POSTN: variants seen among roughly 807,000 people sequenced by gnomAD.
The protein encoded by POSTN is periostin.
POSTN carries 71 observed loss-of-function variants against 104.5 expected under a neutral mutation model. The ratio of observed to expected loss-of-function variants is 0.68; its 90% CI spans 0.56 to 0.83. POSTN has a LOEUF of 0.83. POSTN is among the 40% of genes least tolerant of loss of function. The pLI, the probability that POSTN is intolerant of heterozygous loss-of-function variation, is 0.00. For missense variants in POSTN, 949 were observed against 1,006.8 expected (o/e 0.94, Z 0.78); for synonymous variants, 355 against 340.7 (o/e 1.04, Z -0.46).
chr13:37,571,488 C>T (rs753505357), intron 17 of POSTN, 30 bp from the exon 18 acceptor site: 2 of 1,469,364 alleles, frequency 1.4e-6, no homozygotes, highest in South Asian at 2.3e-5. Context: ...GACAAATTAT[C>T]ATGTTAAAAC....
chr13:37,570,776 T>C (rs1349926517), intron 18 of POSTN, 107 bp from the exon 19 acceptor site: 5 of 723,396 alleles, frequency 6.9e-6, no homozygotes, highest in African/African-American at 1.8e-5. Context: ...AATATTACCA[T>C]TTAAGATTCA....
At chr13:37,564,807 G>A in intron 21 of POSTN, 1 of 323,054 alleles carries the variant, frequency 3.1e-6, no homozygotes, top group Non-Finnish European at 5.6e-6. Flanking sequence ...GTTTCATTAT[G>A]GATTTTGGAA....
intron 16 of POSTN, among the ~76,000 whole-genome samples, chr13:37,575,113 A>G (rs982932102): frequency 1.3e-5 from 2 of 152,046 alleles, no homozygotes; most frequent in African/African-American, 4.8e-5. Context: ...CATGCATCTG[A>G]TAACAGTGAC....
intron 1 of POSTN, 39 bp from the exon 2 acceptor site, chr13:37,597,321 AT>A: frequency 7.4e-7 from 1 of 1,345,254 alleles, no homozygotes; most frequent in Non-Finnish European, 1.0e-6. Flanking sequence ...TAATGTCCTA[AT>A]AATGACTAGT....
intron 2 of POSTN, among the ~76,000 whole-genome samples, chr13:37,595,936 A>G (rs1459196276): frequency 1.3e-5 from 2 of 150,616 alleles, no homozygotes; most frequent in African/African-American, 4.9e-5. Context: ...TCAGCCTCCC[A>G]AATAGGTGCC....
Position 37,580,451 on chromosome 13 carries a change from A to G in POSTN, c.1529+110T>C, listed in dbSNP as rs536682880. ...CACTTGTATGAACATTTTATTCTAA[A>G]TTCCATTTTCAACCACATAGGAGAC... is the stretch of plus-strand genomic sequence containing the variant. On this transcript the variant is annotated intron_variant, in intron 11 of 22. Transcript: ENST00000379747. 4.1e-6 allele frequency: 5 copies of G among 1,213,220 alleles called. No individual in the cohort carries two copies. The East Asian group carries it at 7.1e-5, about 17-fold the overall frequency. The allele number at this position is 1,213,220 out of a possible 1,614,324, so 75.2% of individuals were successfully genotyped here.
intron 16 of POSTN, among the ~76,000 whole-genome samples, chr13:37,575,658 C>G (rs1950386821): frequency 6.6e-6 from 1 of 152,074 alleles, no homozygotes; most frequent in African/African-American, 2.4e-5. Context: ...TAGATCACAT[C>G]AAAGCAGTAG....
Position 37,587,806 on chromosome 13 carries a change from T to G in POSTN, c.606+16A>C. 1 of 1,525,698 alleles carries G rather than the reference T, an allele frequency of 6.6e-7. No homozygotes were observed. The highest frequency in any genetic ancestry group is 8.9e-7 in the Non-Finnish European group (1 of 1,117,712). The allele number at this position is 1,525,698 out of a possible 1,614,324, so 94.5% of individuals were successfully genotyped here. A position where few individuals can be genotyped will look rare whatever the true frequency, so the allele number is the denominator to read the frequency against. ...AGGTATTTTTCATAAGTGTACTTTTTACTGATAAAACTTACCCCATTAGGA... is the reference window on the plus strand; with the variant it reads ...AGGTATTTTTCATAAGTGTACTTTTGACTGATAAAACTTACCCCATTAGGA... On this transcript the variant is annotated intron_variant, in intron 5 of 22. Coordinates refer to ENST00000379747, the MANE Select transcript of POSTN (RefSeq NM_006475.3).
At chr13:37,586,031 T>C (rs1034651090) in intron 7 of POSTN, 108 bp downstream of exon 7, 1 of 1,083,122 alleles carries the variant, frequency 9.2e-7, no homozygotes, top group Admixed American at 2.4e-5. Context: ...TAAAAATTTT[T>C]CCCTGCCTTT....
At chr13:37,570,816 A>C (rs1009782827) in intron 18 of POSTN, 147 bp from the exon 19 acceptor site, 7 of 594,488 alleles carry the variant, frequency 1.2e-5, no homozygotes, top group African/African-American at 1.9e-5. Flanking sequence ...CATATCCCCC[A>C]AAAATCATAT....
intron 10 of POSTN, among the ~76,000 whole-genome samples, chr13:37,581,338 G>A (rs1174809936): frequency 6.6e-6 from 1 of 152,196 alleles, no homozygotes; most frequent in Non-Finnish European, 1.5e-5. Context: ...AGTTGTAGCT[G>A]TACGTGTTAT....
Position 37,562,645 on chromosome 13 carries a change from C to T in POSTN, c.*688G>A, listed in dbSNP as rs1949966481. The stretch of plus-strand genomic sequence containing the variant: ...GTAAAAGAGGTATAAAGTCCTGTTC[C>T]CAAGTCCAAACCACTTTTTAACTTA... On this transcript the variant is annotated 3_prime_UTR_variant, in exon 23 of 23. Transcript: ENST00000379747. 1 of 152,092 alleles carries T rather than the reference C, an allele frequency of 6.6e-6. No homozygotes were observed. Among genetic ancestry groups the T allele is most frequent in the Non-Finnish European group, 1.5e-5 (1 of 68,022 alleles). The allele number at this position is 152,092 out of a possible 1,614,324, so 9.4% of individuals were successfully genotyped here. A position where few individuals can be genotyped will look rare whatever the true frequency, so the allele number is the denominator to read the frequency against.
chr13:37,565,307 C>A (rs943462664), intron 21 of POSTN: 10 of 151,818 alleles, frequency 6.6e-5, no homozygotes. Context: ...ACTACCTGGT[C>A]GGCCTAAATT....
intron 2 of POSTN, among the ~76,000 whole-genome samples, chr13:37,596,666 A>T (rs1001555470): frequency 6.6e-6 from 1 of 152,114 alleles, no homozygotes; most frequent in African/African-American, 2.4e-5. Flanking sequence ...AAGAGATAAA[A>T]CTCAAGTATT....
intron 17 of POSTN, among the ~76,000 whole-genome samples, chr13:37,572,339 G>A (rs746099041): frequency 9.9e-5 from 15 of 151,096 alleles, no homozygotes; most frequent in Non-Finnish European, 1.8e-4. Context: ...AACGAAACCA[G>A]CCTAGAACAA....
At chr13:37,570,822 C>A in intron 18 of POSTN, 153 bp from the exon 19 acceptor site, 1 of 586,118 alleles carries the variant, frequency 1.7e-6, no homozygotes, top group Non-Finnish European at 3.0e-6. Flanking sequence ...CCCCAAAAAT[C>A]ATATCAATAG....
chr13:37,587,824 C>A lies in POSTN; in HGVS notation c.604G>T (p.Gly202Trp), dbSNP rs763120234. 6.3e-7 allele frequency: 1 copy of A among 1,582,600 alleles called. No homozygotes were observed. The highest frequency in any genetic ancestry group is 8.6e-7 in the Non-Finnish European group (1 of 1,157,410). The change falls in exon 5 of 23, where the codon GGG becomes TGG. Residue 202 changes from glycine to tryptophan, a missense_variant and splice_region_variant. Gly to Trp is a radical substitution (Grantham distance 184). Transcript: ENST00000379747. ...TACTTTTTACTGATAAAACTTACCC[C>A]ATTAGGATAATGGTTAATGAAAAGC... ...LGLFINHYPN[G>W]VVTVNCARII...
chr13:37,596,427 A>G (rs1453079623), intron 2 of POSTN, among the ~76,000 whole-genome samples: 1 of 152,172 alleles, frequency 6.6e-6, no homozygotes, highest in Non-Finnish European at 1.5e-5. Flanking sequence ...ATAAGTCCAG[A>G]GTGTTTATTA....
In POSTN at chr13:37,562,924, A is replaced by G. The variant is rs185228257; in HGVS notation, c.*409T>C. 665 of 153,666 alleles carry G rather than the reference A, an allele frequency of 4.3e-3. 6 individuals carry two copies. The highest frequency in any genetic ancestry group is 4.6e-3 in the Non-Finnish European group (320 of 68,998). 9.5% of individuals were successfully genotyped at this position (153,666 alleles called of 1,614,324 possible). ...ATTTTTATAACTTAGCTTCCCATGG[A>G]GAGATAATGGCTTGCGTGCATTTTA... On this transcript the variant is annotated 3_prime_UTR_variant, in exon 23 of 23. Transcript: ENST00000379747.
Sources: allele counts gnomAD v4.1 joint callset (sites outside exome capture counted in the v4.1 genomes callset), GRCh38; gene constraint gnomAD v4.1.1; transcripts MANE v1.5; gene names NCBI Gene and HGNC (gene_info 2026-07-23, HGNC 2026-07-21).